The following NDUFA6 variants were observed in gnomAD, a reference collection of about 807,000 sequenced individuals.
NDUFA6 encodes NADH:ubiquinone oxidoreductase subunit A6.
A neutral mutation model predicts 12.5 loss-of-function variants in NDUFA6; 10 were observed. That is an observed-to-expected ratio of 0.80 (90% CI 0.49 to 1.35). The LOEUF is 1.35. Ranked by LOEUF, NDUFA6 falls within the 40% of genes most tolerant of loss-of-function variation. The pLI, the probability that NDUFA6 is intolerant of heterozygous loss-of-function variation, is 0.00. For synonymous variants in NDUFA6, 66 were observed against 63.0 expected, an observed-to-expected ratio of 1.05 and a Z score of -0.23; for missense variants, 177 against 173.5, an observed-to-expected ratio of 1.02 and a Z score of -0.11.
intron 1 of NDUFA6, 80 bp from the exon 2 acceptor site, chr22:42,087,255 T>TA (rs1928314484): frequency 9.2e-7 from 1 of 1,081,312 alleles, no homozygotes. Flanking sequence ...ATTGAACACA[T>TA]ACAGGTCGCC....
chr22:42,089,935 C>T (rs959388006), intron 1 of NDUFA6: 2 of 160,502 alleles, frequency 1.2e-5, no homozygotes, highest in African/African-American at 4.8e-5. Context: ...CTTTCTCGCA[C>T]TTTGGGAGGC....
chr22:42,086,235 G>C lies in NDUFA6; in HGVS notation c.335C>G (p.Ala112Gly). 6.2e-7 allele frequency: 1 copy of C among 1,614,182 alleles called. No homozygotes were observed. The change falls in exon 3 of 3, where the codon GCG becomes GGG. Residue 112 changes from alanine to glycine, a missense_variant. Physicochemically the swap from Ala to Gly is moderately conservative, Grantham distance 60 (BLOSUM62 0). Around this residue, in one of 3 missense-constraint regions of NDUFA6, gnomAD observed 62 missense variants for 69.4 expected, o/e 0.89. Transcript: ENST00000498737. ...HVMRFFHETE[A>G]PRPKDFLSKF... ...GGATAGGAAATCCTTTGGCCTTGGC[G>C]CTTCTGTTTCATGGAAGAACCGCAT...
intron 1 of NDUFA6, 56 bp downstream of exon 1, chr22:42,090,550 C>G: frequency 6.2e-7 from 1 of 1,601,542 alleles, no homozygotes; most frequent in South Asian, 1.1e-5. Flanking sequence ...CCGGCCGGGC[C>G]GGCTACGACC....
chr22:42,087,327 G>A (rs1199803065), intron 1 of NDUFA6, 152 bp from the exon 2 acceptor site: 1 of 669,136 alleles, frequency 1.5e-6, no homozygotes, highest in East Asian at 2.7e-5. Flanking sequence ...GATGAGACAT[G>A]TGATTCATGG....
At chr22:42,087,239 A>G in intron 1 of NDUFA6, 64 bp from the exon 2 acceptor site, 1 of 1,215,964 alleles carries the variant, frequency 8.2e-7, no homozygotes, top group Non-Finnish European at 1.2e-6. Flanking sequence ...GAGTCAAATG[A>G]TACTCATTGA....
Position 42,090,756 on chromosome 22 carries a change from A to C in NDUFA6, c.-12T>G. On this transcript the variant is annotated 5_prime_UTR_variant, in exon 1 of 3. The change abolishes an upstream ATG in the 5' untranslated region. Transcript: ENST00000498737. ...CCGCTCCCCGCCATCTTGCCAAAGCATCCACTCCACAACCCCACCCCTTTG... is the reference window on the plus strand; with the variant it reads ...CCGCTCCCCGCCATCTTGCCAAAGCCTCCACTCCACAACCCCACCCCTTTG... 1 of 1,614,220 alleles carries C rather than the reference A, an allele frequency of 6.2e-7. No homozygotes were observed. Among genetic ancestry groups the C allele is most frequent in the African/African-American group, 1.3e-5 (1 of 75,070 alleles).
chr22:42,090,457 A>C, intron 1 of NDUFA6, 149 bp downstream of exon 1: 3 of 949,044 alleles, frequency 3.2e-6, no homozygotes, highest in Non-Finnish European at 5.0e-6. Flanking sequence ...GGCCCATGGT[A>C]GGCTCGGGTG....
intron 1 of NDUFA6, among the ~76,000 whole-genome samples, chr22:42,089,329 C>CACACACACAG (rs750973648): frequency 2.9e-5 from 3 of 103,116 alleles, no homozygotes; most frequent in Non-Finnish European, 6.9e-5. Context: ...CACCCCGAAA[C>CACACACACAG]ACACACACAC....
chr22:42,086,320 C>T lies in NDUFA6; in HGVS notation c.256-6G>A, dbSNP rs1928248447. ...TCTTCCAGTTCGATCTTTCCCTGAACAGTGAGGAGAGAGGTCATCAGTCAA... is the reference window on the plus strand; with the variant it reads ...TCTTCCAGTTCGATCTTTCCCTGAATAGTGAGGAGAGAGGTCATCAGTCAA... On this transcript the variant is annotated splice_polypyrimidine_tract_variant and splice_region_variant and intron_variant, in intron 2 of 2. Coordinates refer to ENST00000498737, the MANE Select transcript of NDUFA6 (RefSeq NM_002490.6). 1 of 1,614,154 alleles carries T rather than the reference C, an allele frequency of 6.2e-7. No homozygotes were observed. The highest frequency in any genetic ancestry group is 8.5e-7 in the Non-Finnish European group (1 of 1,180,026).
chr22:42,088,721 CAA>C (rs59094967), intron 1 of NDUFA6, among the ~76,000 whole-genome samples: 1,854 of 71,870 alleles, frequency 0.026, 23 homozygotes, highest in African/African-American at 0.084. Flanking sequence ...GACTCTGTCT[CAA>C]AAAAAAAAAA....
At chr22:42,087,950 A>G (rs1928368039) in intron 1 of NDUFA6, among the ~76,000 whole-genome samples, 1 of 148,194 alleles carries the variant, frequency 6.7e-6, no homozygotes, top group Non-Finnish European at 1.5e-5. Context: ...TCCACTAAAA[A>G]TACAAACATG....
intron 1 of NDUFA6, chr22:42,087,398 C>T: frequency 1.7e-6 from 1 of 572,834 alleles, no homozygotes; most frequent in Admixed American, 2.8e-5. Flanking sequence ...TTTGAAGAGG[C>T]AGTAAAGCAT....
At chr22:42,086,394 C>A (rs192393450) in intron 2 of NDUFA6, 80 bp from the exon 3 acceptor site, 523 of 1,578,870 alleles carry the variant, frequency 3.3e-4, no homozygotes, top group Non-Finnish European at 4.2e-4. Flanking sequence ...ATTCTATTCT[C>A]TGCTCAGCAT....
chr22:42,090,507 A>G, intron 1 of NDUFA6, 99 bp downstream of exon 1: 1 of 1,426,214 alleles, frequency 7.0e-7, no homozygotes, highest in Non-Finnish European at 9.8e-7. Flanking sequence ...CCTCTGCCCA[A>G]GTTGGTGACC....
chr22:42,088,106 CAAA>C (rs1182424559), intron 1 of NDUFA6, among the ~76,000 whole-genome samples: 3 of 39,640 alleles, frequency 7.6e-5, no homozygotes, highest in Admixed American at 2.9e-4. Context: ...GACTGTGTCT[CAAA>C]AAAAAAAAAA....
At chr22:42,086,769 G>C (rs1252307841) in intron 2 of NDUFA6, among the ~76,000 whole-genome samples, 1 of 152,174 alleles carries the variant, frequency 6.6e-6, no homozygotes, top group African/African-American at 2.4e-5. Flanking sequence ...CTGGCATTCA[G>C]ATGAAGTGGT....
intron 1 of NDUFA6, 73 bp from the exon 2 acceptor site, chr22:42,087,248 G>A: frequency 8.8e-7 from 1 of 1,131,106 alleles, no homozygotes. Context: ...GATACTCATT[G>A]AACACATACA....
At chr22:42,088,625 A>G (rs925836472) in intron 1 of NDUFA6, among the ~76,000 whole-genome samples, 1 of 148,816 alleles carries the variant, frequency 6.7e-6, no homozygotes, top group Non-Finnish European at 1.5e-5. Flanking sequence ...AGGCTGAGGC[A>G]TGGGGAAATC....
At chr22:42,088,906 G>T (rs1016466741) in intron 1 of NDUFA6, among the ~76,000 whole-genome samples, 2 of 151,986 alleles carry the variant, frequency 1.3e-5, no homozygotes, top group African/African-American at 2.4e-5. Flanking sequence ...AAACCCGTGT[G>T]GCACAGGTTT....
Sources: gnomAD v4.1 joint callset for allele counts (sites outside exome capture counted in the v4.1 genomes callset) on GRCh38, gnomAD v4.1.1 for gene constraint, gnomAD v4.1.1 regional missense constraint, MANE v1.5 for transcripts, NCBI Gene and HGNC (gene_info 2026-07-23, HGNC 2026-07-21) for gene names.